The following MAP4K1 variants were observed in gnomAD, a reference collection of about 807,000 sequenced individuals.
MAP4K1 encodes MAPK/ERK kinase kinase kinase 1.
A neutral mutation model predicts 122.8 loss-of-function variants in MAP4K1; 35 were observed. The observed-to-expected ratio is 0.29, with a 90% CI of 0.22 to 0.38. The LOEUF (loss-of-function observed/expected upper bound fraction) is 0.38, where lower values mean the gene tolerates loss of function less well. Ranked by LOEUF, MAP4K1 falls within the 10% of genes least tolerant of loss-of-function variation. The probability of loss-of-function intolerance (pLI) is 1.00; values close to 1 mark genes in which losing one functional copy is unlikely to be tolerated. For synonymous variants in MAP4K1, 412 were observed against 421.3 expected, an observed-to-expected ratio of 0.98 and a Z score of 0.27; for missense variants, 791 against 1,072.6, an observed-to-expected ratio of 0.74 and a Z score of 3.67.
chr19:38,607,542 A>C (rs1975362736), intron 16 of MAP4K1, among the ~76,000 whole-genome samples: 1 of 143,634 alleles, frequency 7.0e-6, no homozygotes. Context: ...CCTGGGCCAC[A>C]GAGTGAGACT....
intron 19 of MAP4K1, among the ~76,000 whole-genome samples, chr19:38,602,882 T>G (rs1202108842): frequency 8.1e-6 from 1 of 122,734 alleles, no homozygotes; most frequent in African/African-American, 3.1e-5. Flanking sequence ...ACATATATAC[T>G]TATATACACA....
intron 19 of MAP4K1, among the ~76,000 whole-genome samples, chr19:38,603,419 TATAC>T (rs1975224141): frequency 1.5e-5 from 2 of 133,994 alleles, no homozygotes; most frequent in East Asian, 7.7e-4. Flanking sequence ...TATATACACG[TATAC>T]ATATATACAC....
intron 22 of MAP4K1, among the ~76,000 whole-genome samples, chr19:38,599,340 T>G (rs1390473570): frequency 4.4e-5 from 5 of 114,384 alleles, no homozygotes; most frequent in Non-Finnish European, 5.0e-5. Context: ...TGAGTGAGAC[T>G]CGGTCTCAAA....
chr19:38,605,364 C>A, intron 19 of MAP4K1, 45 bp downstream of exon 19: 1 of 1,487,220 alleles, frequency 6.7e-7, no homozygotes, highest in South Asian at 1.2e-5. Flanking sequence ...CAGGCATCCC[C>A]AGCCCCGTCC....
intron 29 of MAP4K1, among the ~76,000 whole-genome samples, chr19:38,595,270 C>T (rs1463103380): frequency 6.6e-6 from 1 of 151,954 alleles, no homozygotes; most frequent in Non-Finnish European, 1.5e-5. Context: ...GCCTGGGCAA[C>T]AAGAGTGAAA....
In MAP4K1 at chr19:38,609,528, A is replaced by G; in HGVS notation, c.1006+68T>C. 5.1e-6 allele frequency: 7 copies of G among 1,377,724 alleles called. No homozygotes were observed. In the South Asian group the frequency reaches 8.5e-5, roughly 17 times the overall value. 85.3% of individuals were successfully genotyped at this position (1,377,724 alleles called of 1,614,324 possible). ...TGAGGGTCTCTGGAGGCCTGATGGT[A>G]GGGGAAGGTGGTCTCTTAGGTCTAT... On this transcript the variant is annotated intron_variant, in intron 13 of 30. Transcript: ENST00000396857.
At chr19:38,607,559 CAAAAAAAA>C (rs759008757) in intron 16 of MAP4K1, among the ~76,000 whole-genome samples, 1 of 55,056 alleles carries the variant, frequency 1.8e-5, no homozygotes, top group Non-Finnish European at 3.5e-5. Flanking sequence ...GACTCCATCT[CAAAAAAAA>C]AAAAAAAAAA....
chr19:38,612,811 G>C (rs959174535), intron 8 of MAP4K1, 69 bp from the exon 9 acceptor site: 24 of 1,567,112 alleles, frequency 1.5e-5, no homozygotes, highest in Non-Finnish European at 2.1e-5. Context: ...GGCAGAGAAG[G>C]AGAAGGAGTT....
chr19:38,592,917 CAATAAATA>C (rs144296421), intron 30 of MAP4K1, among the ~76,000 whole-genome samples: 2,628 of 151,254 alleles, frequency 0.017, 65 homozygotes, highest in African/African-American at 0.06. Context: ...AACTCCATCT[CAATAAATA>C]AATAAATAAA....
rs1397344622 is a variant in MAP4K1, at chr19:38,587,708, AG to A, written c.*39del. On this transcript the variant is annotated 3_prime_UTR_variant, in exon 31 of 31. Transcript: ENST00000396857. The stretch of plus-strand genomic sequence containing the variant: ...ATGACCACTAGTGTGTCTATGGGGG[AG>A]GGGGTGCAAGGACTAGTTCCTGACA... The A allele has an allele frequency of 4.2e-6, 6 of 1,444,648 alleles. No individual in the cohort carries two copies. Among genetic ancestry groups the A allele is most frequent in the Non-Finnish European group, 5.8e-6 (6 of 1,026,258 alleles). The allele number at this position is 1,444,648 out of a possible 1,614,324, so 89.5% of individuals were successfully genotyped here.
At chr19:38,589,635 A>G (rs1396056641) in intron 30 of MAP4K1, among the ~76,000 whole-genome samples, 1 of 152,002 alleles carries the variant, frequency 6.6e-6, no homozygotes, top group Non-Finnish European at 1.5e-5. Context: ...GGCTGGTCTC[A>G]AACTCCCGAC....
chr19:38,591,541 A>T (rs1974727689), intron 30 of MAP4K1, among the ~76,000 whole-genome samples: 2 of 152,026 alleles, frequency 1.3e-5, no homozygotes, highest in South Asian at 4.1e-4. Context: ...AAAAAAAAAA[A>T]AAAAGATCTG....
intron 30 of MAP4K1, among the ~76,000 whole-genome samples, chr19:38,588,216 C>T (rs1001575673): frequency 1.7e-4 from 26 of 152,066 alleles, no homozygotes; most frequent in African/African-American, 6.0e-4. Flanking sequence ...GATGTCATGG[C>T]CTTGTGGGCT....
At chr19:38,606,048 C>G (rs1184311027) in intron 17 of MAP4K1, 125 bp downstream of exon 17, 4 of 750,764 alleles carry the variant, frequency 5.3e-6, no homozygotes, top group Non-Finnish European at 8.9e-6. Flanking sequence ...CCCAATGTAG[C>G]CATCATCCTG....
chr19:38,602,940 A>G (rs541845711), intron 19 of MAP4K1, among the ~76,000 whole-genome samples: 19 of 145,192 alleles, frequency 1.3e-4, no homozygotes, highest in African/African-American at 4.8e-4. Flanking sequence ...ACATATATAC[A>G]CATACATATA....
intron 4 of MAP4K1, chr19:38,614,777 C>T: frequency 2.8e-6 from 1 of 351,926 alleles, no homozygotes; most frequent in Non-Finnish European, 5.4e-6. Flanking sequence ...CAAAAATTAG[C>T]CAGGCATAGT....
chr19:38,608,823 A>AC (rs1975410633), intron 13 of MAP4K1, among the ~76,000 whole-genome samples: 2 of 148,996 alleles, frequency 1.3e-5, no homozygotes, highest in African/African-American at 4.9e-5. Context: ...AAAAAAAAAA[A>AC]AAAAAACATT....
Position 38,596,315 on chromosome 19 carries a change from T to A in MAP4K1, c.2113A>T (p.Thr705Ser). ...AGCAAGACTCCGCCCCACTCACCGGTGCTCATCTCGCCCAGCCAGCAAGAG... is the reference window on the plus strand; with the variant it reads ...AGCAAGACTCCGCCCCACTCACCGGAGCTCATCTCGCCCAGCCAGCAAGAG... ...ALSCWLGEMSTEHRGPVQVTQ... is the reference protein window; with the variant it reads ...ALSCWLGEMSSEHRGPVQVTQ... Residue 705 changes from threonine to serine, a missense_variant, in exon 26 of 31, where the codon ACC becomes TCC. This residue lies in a region of MAP4K1 where 267 missense variants were observed against 323.0 expected (regional missense o/e 0.83). Transcript: ENST00000396857. The A allele has an allele frequency of 6.4e-7, 1 of 1,574,582 alleles. No homozygotes were observed. The highest frequency in any genetic ancestry group is 1.7e-4 in the Middle Eastern group (1 of 5,942).
chr19:38,598,113 C>A (rs1465191888), intron 22 of MAP4K1, among the ~76,000 whole-genome samples: 1 of 152,034 alleles, frequency 6.6e-6, no homozygotes, highest in Non-Finnish European at 1.5e-5. Context: ...TCACTGCAGC[C>A]TCTGCCTCCC....
Sources: gnomAD v4.1 joint callset for allele counts (sites outside exome capture counted in the v4.1 genomes callset) on GRCh38, gnomAD v4.1.1 for gene constraint, gnomAD v4.1.1 regional missense constraint, MANE v1.5 for transcripts, NCBI Gene and HGNC (gene_info 2026-07-23, HGNC 2026-07-21) for gene names.